SNX31: variants seen among roughly 807,000 people sequenced by gnomAD.
SNX31 encodes the protein sorting nexin 31.
In SNX31, 58 loss-of-function variants were observed where a neutral mutation model predicts 65.4. The observed-to-expected ratio is 0.89, with a 90% CI of 0.72 to 1.10. SNX31 has a LOEUF of 1.10. SNX31 is among the 50% of genes least tolerant of loss of function. The pLI is 0.00. For synonymous variants in SNX31, 181 were observed against 190.1 expected, an observed-to-expected ratio of 0.95 and a Z score of 0.39; for missense variants, 523 against 529.7, an observed-to-expected ratio of 0.99 and a Z score of 0.12.
At chr8:100,620,113 T>C (rs1160646177) in intron 4 of SNX31, 2 of 152,210 alleles carry the variant, frequency 1.3e-5, no homozygotes, top group Non-Finnish European at 2.9e-5. Context: ...GTTTATTGCG[T>C]GATGCTGAGG....
chr8:100,575,902 T>C lies in SNX31; in HGVS notation c.1227+1117A>G, dbSNP rs866459148. 6.6e-6 allele frequency among the ~76,000 whole-genome samples: 1 copy of C among 152,188 alleles called. No homozygotes were observed. Among genetic ancestry groups the C allele is most frequent in the Non-Finnish European group, 1.5e-5 (1 of 68,006 alleles). On this transcript the variant is annotated intron_variant, in intron 13 of 13. Transcript: ENST00000311812. This position sits in a 1 kb window ranked among gnomAD's most constrained non-coding sequence, Gnocchi z 5.1. The stretch of plus-strand genomic sequence containing the variant: ...TTTAGAGCTCCCCAGGTGATTCCAA[T>C]GTGCAGCCAAAGTTGAGAACCACAG...
chr8:100,617,672 T>A lies in SNX31; in HGVS notation c.380A>T (p.Gln127Leu). The change falls in exon 5 of 14, where the codon CAG becomes CTG. Residue 127 changes from glutamine (Q) to leucine (L), a missense_variant. Coordinates refer to ENST00000311812, the MANE Select transcript of SNX31 (RefSeq NM_152628.4). ...TGTTATAATTTCGATTCTAATACTC[T>A]GTTCATTGGGCAGAAATATGTCCAG... ...AYLDIFLPNE[Q>L]SIRIEIITSD... 6.2e-7 allele frequency: 1 copy of A among 1,613,976 alleles called. No individual in the cohort carries two copies. The highest frequency in any genetic ancestry group is 8.5e-7 in the Non-Finnish European group (1 of 1,179,946).
intron 1 of SNX31, chr8:100,657,775 G>A (rs1257001360): frequency 1.1e-5 from 5 of 456,146 alleles, no homozygotes; most frequent in Non-Finnish European, 1.8e-5. Flanking sequence ...GGAGGCTGAG[G>A]CAGGAGAATC....
At chr8:100,628,187 C>T (rs1386230335) in intron 4 of SNX31, among the ~76,000 whole-genome samples, 1 of 152,170 alleles carries the variant, frequency 6.6e-6, no homozygotes, top group Non-Finnish European at 1.5e-5. Context: ...TGTGGCGATT[C>T]CTCAGGGATC....
chr8:100,649,052 C>T (rs1819844329), intron 2 of SNX31, among the ~76,000 whole-genome samples: 1 of 152,234 alleles, frequency 6.6e-6, no homozygotes, highest in Admixed American at 6.5e-5. Flanking sequence ...GCCCGGTTCC[C>T]TCATCTCACA....
At chr8:100,647,449 A>G (rs1436383268) in intron 2 of SNX31, among the ~76,000 whole-genome samples, 3 of 152,154 alleles carry the variant, frequency 2.0e-5, no homozygotes, top group Non-Finnish European at 4.4e-5. Context: ...TGGACCTGCT[A>G]GGATTTGGTT....
chr8:100,601,377 A>G (rs961782249), intron 8 of SNX31, among the ~76,000 whole-genome samples: 1 of 152,254 alleles, frequency 6.6e-6, no homozygotes, highest in Non-Finnish European at 1.5e-5. Flanking sequence ...GCCAAGTAAG[A>G]GTCTAGTAGT....
Position 100,640,403 on chromosome 8 carries a change from G to A in SNX31, c.142-4392C>T, listed in dbSNP as rs559770953. ...GGCCTCCCAAAATGTTGGGATTACA[G>A]GCGTGAGCCACCACGCCCAGCCATA... On this transcript the variant is annotated intron_variant, in intron 2 of 13. Coordinates refer to ENST00000311812, the MANE Select transcript of SNX31 (RefSeq NM_152628.4). Among the ~76,000 whole-genome samples the A allele has an allele frequency of 5.3e-5, 8 of 152,352 alleles. No individual in the cohort carries two copies. The South Asian group carries it at 1.7e-3, about 32-fold the overall frequency.
Position 100,614,176 on chromosome 8 carries a change from GTC to G in SNX31, c.433-1093_433-1092del, listed in dbSNP as rs1464360640. Among the ~76,000 whole-genome samples, 1 of 152,148 alleles carries G rather than the reference GTC, an allele frequency of 6.6e-6. No homozygotes were observed. Among genetic ancestry groups the G allele is most frequent in the African/African-American group, 2.4e-5 (1 of 41,426 alleles). On this transcript the variant is annotated intron_variant, in intron 5 of 13. Transcript: ENST00000311812. The surrounding 1 kb of genome is among the most constrained non-coding windows in gnomAD (Gnocchi z 5.1). Reference sequence around the variant, plus strand: ...AAGCAATTCCCTTCCCCTTCTTTCTGTCTCTCTCTTTCCCCCATGTTTTGGGC... The same window carrying G: ...AAGCAATTCCCTTCCCCTTCTTTCTGTCTCTCTTTCCCCCATGTTTTGGGC...
chr8:100,647,759 C>A (rs1819736382), intron 2 of SNX31, among the ~76,000 whole-genome samples: 1 of 152,148 alleles, frequency 6.6e-6, no homozygotes. Context: ...TCTGCTCCTG[C>A]CCCTTCCCCA....
chr8:100,647,604 A>G (rs1819726068), intron 2 of SNX31, among the ~76,000 whole-genome samples: 1 of 152,208 alleles, frequency 6.6e-6, no homozygotes, highest in Non-Finnish European at 1.5e-5. Context: ...CTGGCCCCTA[A>G]TCTTCACAAG....
chr8:100,607,754 A>T (rs1409934674), intron 8 of SNX31, among the ~76,000 whole-genome samples: 1 of 152,260 alleles, frequency 6.6e-6, no homozygotes, highest in African/African-American at 2.4e-5. Context: ...CTGCATGAAA[A>T]TATCTCATGT....
chr8:100,644,857 G>A (rs1819519777), intron 2 of SNX31, among the ~76,000 whole-genome samples: 1 of 152,194 alleles, frequency 6.6e-6, no homozygotes, highest in Admixed American at 6.5e-5. Context: ...TAGAGACGGG[G>A]TTTTACCATT....
intron 1 of SNX31, chr8:100,657,899 AAC>A (rs1182227717): frequency 7.0e-6 from 2 of 287,238 alleles, no homozygotes; most frequent in Admixed American, 1.1e-4. Context: ...AAAAAATAAC[AAC>A]AACAACAACA....
At chr8:100,655,194 T>C (rs3115892) in intron 1 of SNX31, among the ~76,000 whole-genome samples, 21,168 of 152,048 alleles carry the variant, frequency 0.14, 2,020 homozygotes, top group African/African-American at 0.27. Flanking sequence ...CCAGCAGGCA[T>C]GAAGGGAGGA....
chr8:100,577,053 C>G lies in SNX31; in HGVS notation c.1193G>C (p.Ser398Thr). 1 of 1,613,710 alleles carries G rather than the reference C, an allele frequency of 6.2e-7. No homozygotes were observed. Among genetic ancestry groups the G allele is most frequent in the East Asian group, 2.2e-5 (1 of 44,862 alleles). The change falls in exon 13 of 14, where the codon AGC becomes ACC. Residue 398 changes from serine (S) to threonine (T), a missense_variant. Physicochemically the swap from Ser to Thr is moderately conservative, Grantham distance 58 (BLOSUM62 1). Coordinates refer to ENST00000311812, the MANE Select transcript of SNX31 (RefSeq NM_152628.4). ...TEMQIEVPEQ[S>T]KSKKYHIQQS... ...TTGAATGTGGTATTTTTTACTTTTG[C>G]TTTGTTCCGGAACTTCAATCTGCTA...
In SNX31 at chr8:100,640,043, T is replaced by C. The variant is rs75890511; in HGVS notation, c.142-4032A>G. 8.8e-3 allele frequency among the ~76,000 whole-genome samples: 1,343 copies of C among 152,324 alleles called. 18 individuals are homozygous for C. Among genetic ancestry groups the C allele is most frequent in the African/African-American group, 0.027 (1,127 of 41,572 alleles). ...ACCCAAAGTATAAAGTGAATATCCA[T>C]GAGTCCTTACAGACTTGTTTTAAAT... On this transcript the variant is annotated intron_variant, in intron 2 of 13. Transcript: ENST00000311812.
intron 1 of SNX31, among the ~76,000 whole-genome samples, chr8:100,661,692 C>CA (rs1447440197): frequency 8.7e-6 from 1 of 114,384 alleles, no homozygotes; most frequent in Non-Finnish European, 1.7e-5. Context: ...CACACACGGC[C>CA]AGTTTTTTTT....
chr8:100,637,405 G>T lies in SNX31; in HGVS notation c.142-1394C>A, dbSNP rs186395097. Reference sequence around the variant, plus strand: ...ACTCAGTGGCTTAAAGAAAATGAAAGATGGAATAAGAAAAATGAGGCTGCA... The same window carrying T: ...ACTCAGTGGCTTAAAGAAAATGAAATATGGAATAAGAAAAATGAGGCTGCA... On this transcript the variant is annotated intron_variant, in intron 2 of 13. Transcript: ENST00000311812. Among the ~76,000 whole-genome samples, 1,075 of 152,258 alleles carry T rather than the reference G, an allele frequency of 7.1e-3. 13 individuals are homozygous for T. The highest frequency in any genetic ancestry group is 0.023 in the African/African-American group (956 of 41,544).
Sources: allele counts gnomAD v4.1 joint callset (sites outside exome capture counted in the v4.1 genomes callset), GRCh38; gene constraint gnomAD v4.1.1; non-coding constraint Gnocchi (gnomAD v3.1); transcripts MANE v1.5; gene names NCBI Gene and HGNC (gene_info 2026-07-23, HGNC 2026-07-21).